STYXL1: variants seen among roughly 807,000 people sequenced by gnomAD.
STYXL1 encodes serine/threonine/tyrosine-interacting-like protein 1.
In STYXL1, 32 loss-of-function variants were observed where a neutral mutation model predicts 36.4. The ratio of observed to expected loss-of-function variants is 0.88; its 90% CI spans 0.66 to 1.18. The LOEUF (loss-of-function observed/expected upper bound fraction) is 1.18. Among genes scored for constraint, STYXL1 ranks in the 50% most tolerant of loss-of-function variants. The pLI is 0.00. For synonymous variants in STYXL1, 133 were observed against 144.1 expected, an observed-to-expected ratio of 0.92 and a Z score of 0.55; for missense variants, 354 against 394.1, an observed-to-expected ratio of 0.90 and a Z score of 0.86.
At chr7:76,016,228 A>G (rs1793301668) in intron 4 of STYXL1, among the ~76,000 whole-genome samples, 1 of 151,816 alleles carries the variant, frequency 6.6e-6, no homozygotes, top group Non-Finnish European at 1.5e-5. Flanking sequence ...GGATACATAT[A>G]TATAATTATG....
At chr7:76,039,400 G>C (rs1046906334) in intron 1 of STYXL1, among the ~76,000 whole-genome samples, 2 of 152,048 alleles carry the variant, frequency 1.3e-5, no homozygotes, top group Admixed American at 6.6e-5. Context: ...TAAGGGATTT[G>C]GTACAGTCTT....
intron 1 of STYXL1, among the ~76,000 whole-genome samples, chr7:76,043,401 G>A (rs557605390): frequency 3.3e-5 from 5 of 152,050 alleles, no homozygotes; most frequent in East Asian, 3.9e-4. Context: ...TCAGCCTCCC[G>A]AAGTGCTGGG....
rs1403734578 is a variant in STYXL1, at chr7:76,037,465, G to A, written c.-4-6938C>T. ...AGTGACAGCACGTGTCTATATTTGG[G>A]GAAAACAGCCAACTGGGAAGGGATG... On this transcript the variant is annotated intron_variant, in intron 1 of 8. Coordinates refer to ENST00000359697, the MANE Select transcript of STYXL1 (RefSeq NM_001317785.2). Among the ~76,000 whole-genome samples the A allele has an allele frequency of 2.7e-5, 4 of 149,990 alleles. 2 individuals carry two copies. The highest frequency in any genetic ancestry group is 6.0e-5 in the Non-Finnish European group (4 of 67,068).
chr7:76,023,172 C>T (rs1239311135), intron 3 of STYXL1, among the ~76,000 whole-genome samples: 1 of 152,070 alleles, frequency 6.6e-6, no homozygotes, highest in Admixed American at 6.6e-5. Context: ...TCCCACTCCA[C>T]CCCTCCACAC....
At chr7:76,016,262 ATATG>A (rs1257127375) in intron 4 of STYXL1, among the ~76,000 whole-genome samples, 5 of 151,534 alleles carry the variant, frequency 3.3e-5, no homozygotes, top group Non-Finnish European at 5.9e-5. Context: ...ACGTATATCT[ATATG>A]TATGTGTGTA....
intron 4 of STYXL1, among the ~76,000 whole-genome samples, chr7:76,021,650 T>C (rs1554576231): frequency 2.0e-5 from 3 of 152,034 alleles, no homozygotes; most frequent in African/African-American, 7.2e-5. Context: ...CCAAACTCCT[T>C]GGGGAAATGT....
chr7:76,004,446 G>A (rs1402815635), intron 6 of STYXL1, among the ~76,000 whole-genome samples: 1 of 151,678 alleles, frequency 6.6e-6, no homozygotes, highest in Non-Finnish European at 1.5e-5. Context: ...GCTCACACCT[G>A]TAAACCCAGC....
chr7:76,041,102 T>C (rs1391467430), intron 1 of STYXL1, among the ~76,000 whole-genome samples: 2 of 150,234 alleles, frequency 1.3e-5, no homozygotes, highest in African/African-American at 4.9e-5. Context: ...TTTGGGAGGC[T>C]GAGCTGGGAG....
At chr7:76,026,385 T>C (rs924084000) in intron 3 of STYXL1, among the ~76,000 whole-genome samples, 1 of 151,624 alleles carries the variant, frequency 6.6e-6, no homozygotes, top group Non-Finnish European at 1.5e-5. Context: ...ACTCAAGTGA[T>C]CCTCCCATCT....
chr7:76,010,863 A>C (rs1554572016), intron 5 of STYXL1, among the ~76,000 whole-genome samples: 1 of 152,186 alleles, frequency 6.6e-6, no homozygotes, highest in African/African-American at 2.4e-5. Context: ...TTGGAACATT[A>C]AACCGCCCTA....
intron 1 of STYXL1, among the ~76,000 whole-genome samples, chr7:76,039,543 AG>A (rs1176274137): frequency 1.3e-5 from 2 of 152,212 alleles, no homozygotes; most frequent in Admixed American, 1.3e-4. Context: ...CTTAACTCAG[AG>A]GGACACCAGG....
intron 7 of STYXL1, among the ~76,000 whole-genome samples, chr7:76,002,748 AC>A (rs1445578912): frequency 1.3e-5 from 2 of 151,756 alleles, no homozygotes; most frequent in Non-Finnish European, 2.9e-5. Flanking sequence ...ACATGGCAAA[AC>A]CCCATCTTTA....
chr7:76,030,567 A>G (rs1402373982), intron 1 of STYXL1, 40 bp from the exon 2 acceptor site: 1 of 1,243,390 alleles, frequency 8.0e-7, no homozygotes. Flanking sequence ...ACATAACTCT[A>G]TTTTAGATGA....
intron 1 of STYXL1, among the ~76,000 whole-genome samples, chr7:76,032,324 T>C (rs1023821509): frequency 6.9e-6 from 1 of 145,484 alleles, no homozygotes; most frequent in Non-Finnish European, 1.5e-5. Context: ...CACTTGAGGC[T>C]GGGAGGTGGG....
chr7:76,041,750 G>A (rs937581200), intron 1 of STYXL1, among the ~76,000 whole-genome samples: 1 of 152,210 alleles, frequency 6.6e-6, no homozygotes, highest in African/African-American at 2.4e-5. Flanking sequence ...CAACAGAAAA[G>A]AGACTAAGAC....
intron 6 of STYXL1, among the ~76,000 whole-genome samples, chr7:76,004,082 C>T (rs1174078050): frequency 2.6e-5 from 4 of 152,016 alleles, no homozygotes; most frequent in African/African-American, 4.8e-5. Flanking sequence ...GATCACATAG[C>T]GAGACCCTTG....
intron 5 of STYXL1, among the ~76,000 whole-genome samples, chr7:76,005,812 A>AAGG (rs1270595143): frequency 6.9e-5 from 10 of 144,784 alleles, no homozygotes; most frequent in African/African-American, 2.5e-4. Flanking sequence ...AGAGAGAGAG[A>AAGG]AGGAGGAGGA....
At chr7:76,029,663 C>G (rs1795107461) in intron 2 of STYXL1, among the ~76,000 whole-genome samples, 1 of 151,620 alleles carries the variant, frequency 6.6e-6, no homozygotes, top group African/African-American at 2.4e-5. Flanking sequence ...AGTGGAAACC[C>G]TGAACTTGTT....
At chr7:76,026,192 C>CAAAAAAAAAAAAAAAAAAAAAAAA (rs1159067824) in intron 3 of STYXL1, among the ~76,000 whole-genome samples, 1 of 18,614 alleles carries the variant, frequency 5.4e-5, no homozygotes, top group Non-Finnish European at 8.7e-5. Flanking sequence ...ACTCTGTCTC[C>CAAAAAAAAAAAAAAAAAAAAAAAA]AAAAAAAAAA....
Sources: gnomAD v4.1 joint callset for allele counts (sites outside exome capture counted in the v4.1 genomes callset) on GRCh38, gnomAD v4.1.1 for gene constraint, MANE v1.5 for transcripts, NCBI Gene and HGNC (gene_info 2026-07-23, HGNC 2026-07-21) for gene names.